Variants in HSPA4L observed in about 807,000 individuals in gnomAD.
HSPA4L encodes the protein heat shock 70 kDa protein 4L.
In HSPA4L, 48 loss-of-function variants were observed where a neutral mutation model predicts 100.3. The ratio of observed to expected loss-of-function variants is 0.48; its 90% CI spans 0.38 to 0.61. HSPA4L has a LOEUF of 0.61. HSPA4L is among the 20% of genes least tolerant of loss of function. HSPA4L has a pLI of 0.00. For synonymous variants in HSPA4L, 319 were observed against 328.2 expected (o/e 0.97, Z 0.30); for missense variants, 886 against 988.6 (o/e 0.90, Z 1.39).
chr4:127,810,390 A>G (rs111838122), intron 11 of HSPA4L, among the ~76,000 whole-genome samples: 5,298 of 152,282 alleles, frequency 0.035, 282 homozygotes, highest in African/African-American at 0.12. Flanking sequence ...AAGTACCACA[A>G]GCTAGGTGGC....
Position 127,804,028 on chromosome 4 carries a change from T to C in HSPA4L, c.926T>C (p.Leu309Pro). 7 of 1,614,126 alleles carry C rather than the reference T, an allele frequency of 4.3e-6. No individual in the cohort carries two copies. The highest frequency in any genetic ancestry group is 5.1e-6 in the Non-Finnish European group (6 of 1,179,968). ...SKMNRAQFEQ[L>P]CASLLARVEP... ...TCTCACAGGGCTCAATTTGAACAAC[T>C]GTGTGCTTCCCTTTTGGCCAGGGTT... Residue 309 changes from leucine to proline, a missense_variant, in exon 8 of 19, where the codon CTG becomes CCG. Coordinates refer to ENST00000296464, the MANE Select transcript of HSPA4L (RefSeq NM_014278.4).
upstream of HSPA4L, chr4:127,782,060 A>G (rs775927516): frequency 7.0e-5 from 32 of 454,850 alleles, no homozygotes; most frequent in African/African-American, 4.8e-4. Flanking sequence ...GAGCAAGCCA[A>G]TGTGCCTAGC....
In HSPA4L at chr4:127,834,928, T is replaced by TAAC. The variant is rs777957694; in HGVS notation, c.*2056_*2058dup. ...AGTACCACTAATTTTTGTAATTATA[T>TAAC]AACACTTCATTTAATAACTTATATA... On this transcript the variant is annotated 3_prime_UTR_variant, in exon 19 of 19. Coordinates refer to ENST00000296464, the MANE Select transcript of HSPA4L (RefSeq NM_014278.4). 6.6e-6 allele frequency: 1 copy of TAAC among 152,228 alleles called. No homozygotes were observed. Among genetic ancestry groups the TAAC allele is most frequent in the African/African-American group, 2.4e-5 (1 of 41,472 alleles). The allele number at this position is 152,228 out of a possible 1,614,324, so 9.4% of individuals were successfully genotyped here. A position where few individuals can be genotyped will look rare whatever the true frequency, so the allele number is the denominator to read the frequency against.
At chr4:127,784,995 T>C (rs1337083190) in intron 1 of HSPA4L, among the ~76,000 whole-genome samples, 2 of 152,252 alleles carry the variant, frequency 1.3e-5, no homozygotes, top group Non-Finnish European at 2.9e-5. Flanking sequence ...TTCAATTTAG[T>C]TGTTTTCAGC....
rs148973717 is a variant in HSPA4L at position 127,785,312 on chromosome 4, C to T, written c.107+2655C>T. ...AAAAATTATTACATAATAATATGTG[C>T]TCATTATAAAAAATACTGGCACATT... On this transcript the variant is annotated intron_variant, in intron 1 of 18. Coordinates refer to ENST00000296464, the MANE Select transcript of HSPA4L (RefSeq NM_014278.4). Among the ~76,000 whole-genome samples, 292 of 152,142 alleles carry T rather than the reference C, an allele frequency of 1.9e-3. 3 individuals carry two copies. The highest frequency in any genetic ancestry group is 6.9e-3 in the African/African-American group (288 of 41,486).
chr4:127,814,122 T>G (rs1481983335), intron 12 of HSPA4L, among the ~76,000 whole-genome samples: 1 of 152,114 alleles, frequency 6.6e-6, no homozygotes, highest in South Asian at 2.1e-4. Context: ...TAACCAAGCT[T>G]TAAAGGATGA....
At chr4:127,812,704 T>A (rs1174574279) in intron 12 of HSPA4L, 2 of 872,512 alleles carry the variant, frequency 2.3e-6, no homozygotes, top group Non-Finnish European at 3.7e-6. Context: ...TTTATTTTTT[T>A]TTTTTTTTAA....
chr4:127,807,979 C>T lies in HSPA4L; in HGVS notation c.1245-17C>T, dbSNP rs752802137. ...CTTTCTATTTGTTTCTAAGTGAGTT[C>T]TTTCCCTCCATTTTAGGGAATGTGA... On this transcript the variant is annotated splice_polypyrimidine_tract_variant and intron_variant, in intron 10 of 18. Coordinates refer to ENST00000296464, the MANE Select transcript of HSPA4L (RefSeq NM_014278.4). 2.5e-6 allele frequency: 4 copies of T among 1,603,524 alleles called. No individual in the cohort carries two copies. Among genetic ancestry groups the T allele is most frequent in the African/African-American group, 2.7e-5 (2 of 74,132 alleles).
At position 127,811,625 on chromosome 4, in the gene HSPA4L, A is replaced by G; in HGVS notation, c.1567A>G (p.Lys523Glu). The change falls in exon 12 of 19, where the codon AAA becomes GAA. Residue 523 changes from lysine (K) to glutamate (E), a missense_variant. Coordinates refer to ENST00000296464, the MANE Select transcript of HSPA4L (RefSeq NM_014278.4). Reference sequence around the variant, plus strand: ...AGAAACTTCATTTAAAAATGAAAACAAAGATAATATGGTATGTAGAAATTC... The same window carrying G: ...AGAAACTTCATTTAAAAATGAAAACGAAGATAATATGGTATGTAGAAATTC... Reference protein sequence around the residue: ...ETETSFKNENKDNMDKMQVDQ... With the variant: ...ETETSFKNENEDNMDKMQVDQ... 1.9e-6 allele frequency: 3 copies of G among 1,609,430 alleles called. No individual in the cohort carries two copies. The highest frequency in any genetic ancestry group is 1.1e-5 in the South Asian group (1 of 90,872).
intron 17 of HSPA4L, among the ~76,000 whole-genome samples, chr4:127,828,037 C>CT (rs776612232): frequency 1.2e-4 from 19 of 152,082 alleles, no homozygotes; most frequent in African/African-American, 2.2e-4. Context: ...AGTTATCAGA[C>CT]TTTTTTTAAG....
rs1733485199 is a variant in HSPA4L at position 127,810,185 on chromosome 4, A to G, written c.1379-1252A>G. On this transcript the variant is annotated intron_variant, in intron 11 of 18. Coordinates refer to ENST00000296464, the MANE Select transcript of HSPA4L (RefSeq NM_014278.4). ...AATAGGAGATTGTAATATCCATTTTAACTGAGTGAACTTTTCAGAAGATAT... is the reference window on the plus strand; with the variant it reads ...AATAGGAGATTGTAATATCCATTTTGACTGAGTGAACTTTTCAGAAGATAT... 3.9e-5 allele frequency among the ~76,000 whole-genome samples: 6 copies of G among 152,234 alleles called. No individual in the cohort carries two copies. In the South Asian group the frequency reaches 1.2e-3, roughly 31 times the overall value.
chr4:127,827,243 T>C (rs1333037282), intron 16 of HSPA4L, 62 bp from the exon 17 acceptor site: 4 of 1,386,918 alleles, frequency 2.9e-6, no homozygotes, highest in East Asian at 2.3e-5. Context: ...ATAAGGGCCC[T>C]ATAAAAGTTT....
chr4:127,820,570 G>A lies in HSPA4L; in HGVS notation c.1812+5G>A. The A allele has an allele frequency of 6.3e-7, 1 of 1,591,704 alleles. No homozygotes were observed. Among genetic ancestry groups the A allele is most frequent in the South Asian group, 1.2e-5 (1 of 85,560 alleles). On this transcript the variant is annotated splice_donor_5th_base_variant and intron_variant, in intron 14 of 18. Coordinates refer to ENST00000296464, the MANE Select transcript of HSPA4L (RefSeq NM_014278.4). ...AACAGCTACATTGAAAATGAGGTAT[G>A]TAAATCTGAGTTGATGCTGAAATAG...
At chr4:127,829,702 C>G (rs1313489623) in intron 17 of HSPA4L, among the ~76,000 whole-genome samples, 2 of 151,530 alleles carry the variant, frequency 1.3e-5, no homozygotes, top group African/African-American at 2.4e-5. Context: ...ATAAGCATTT[C>G]AAACTTTACA....
At chr4:127,813,074 T>C (rs1733581803) in intron 12 of HSPA4L, 1 of 1,148,614 alleles carries the variant, frequency 8.7e-7, no homozygotes, top group African/African-American at 1.5e-5. Flanking sequence ...CCCGTTCCCT[T>C]GATGTCTACA....
At position 127,795,757 on chromosome 4, in the gene HSPA4L, A is replaced by G; in HGVS notation, c.166-11A>G. On this transcript the variant is annotated splice_polypyrimidine_tract_variant and intron_variant, in intron 2 of 18. Transcript: ENST00000296464. ...AGGTAACTGATAAATACAAGTGTTTACTGCCAACAGATAGTCACGAACGTA... is the reference window on the plus strand; with the variant it reads ...AGGTAACTGATAAATACAAGTGTTTGCTGCCAACAGATAGTCACGAACGTA... 6.2e-7 allele frequency: 1 copy of G among 1,612,704 alleles called. No homozygotes were observed. Among genetic ancestry groups the G allele is most frequent in the Non-Finnish European group, 8.5e-7 (1 of 1,179,114 alleles).
chr4:127,828,820 G>A (rs946757902), intron 17 of HSPA4L, among the ~76,000 whole-genome samples: 1 of 152,046 alleles, frequency 6.6e-6, no homozygotes, highest in African/African-American at 2.4e-5. Context: ...AATTACTAGT[G>A]TCACAGTGCT....
intron 14 of HSPA4L, among the ~76,000 whole-genome samples, chr4:127,820,816 T>A: frequency 6.6e-6 from 1 of 152,156 alleles, no homozygotes; most frequent in Non-Finnish European, 1.5e-5. Context: ...TGAAATTGAT[T>A]CTTCCTTTTA....
At position 127,813,004 on chromosome 4, in the gene HSPA4L, T is replaced by G. The variant is rs376325033; in HGVS notation, c.1578+1368T>G. 636 of 858,482 alleles carry G rather than the reference T, an allele frequency of 7.4e-4. 4 individuals carry two copies. In the African/African-American group the frequency reaches 9.7e-3, roughly 13 times the overall value. The allele number at this position is 858,482 out of a possible 1,614,324, so 53.2% of individuals were successfully genotyped here. ...AATGCCAACAGCATGCTGGGTAACA[T>G]TGTAGACTCTTCCAGTTTTGCCATG... On this transcript the variant is annotated intron_variant, in intron 12 of 18. Coordinates refer to ENST00000296464, the MANE Select transcript of HSPA4L (RefSeq NM_014278.4).
Sources: gnomAD v4.1 joint callset for allele counts (sites outside exome capture counted in the v4.1 genomes callset) on GRCh38, gnomAD v4.1.1 for gene constraint, MANE v1.5 for transcripts, NCBI Gene and HGNC (gene_info 2026-07-23, HGNC 2026-07-21) for gene names.